Variants in PRKN observed in about 807,000 individuals in gnomAD.
PRKN encodes the protein parkin RBR E3 ubiquitin protein ligase, also known as E3 ubiquitin-protein ligase parkin.
Under a neutral mutation model 59.5 loss-of-function variants are expected in PRKN, and 56 were observed. The ratio of observed to expected loss-of-function variants is 0.94; its 90% CI spans 0.76 to 1.18. The LOEUF (loss-of-function observed/expected upper bound fraction) is 1.18. PRKN is among the 50% of genes most tolerant of loss of function. The pLI is 0.00. For missense variants in PRKN, 657 were observed against 596.4 expected (o/e 1.10, Z -1.06); for synonymous variants, 250 against 222.1 (o/e 1.13, Z -1.12).
At chr6:161,836,897 G>A (rs568178903) in intron 6 of PRKN, among the ~76,000 whole-genome samples, 177 of 152,216 alleles carry the variant, frequency 1.2e-3, no homozygotes, top group African/African-American at 4.2e-3. Context: ...AAATGAATGC[G>A]GGCAGCAGCA....
intron 4 of PRKN, among the ~76,000 whole-genome samples, chr6:162,095,148 A>G (rs1332723698): frequency 1.3e-5 from 2 of 152,206 alleles, no homozygotes; most frequent in Admixed American, 1.3e-4. Flanking sequence ...TAGAATTACT[A>G]CAAGTGAATT....
chr6:162,052,111 G>A (rs1000340697), intron 5 of PRKN, among the ~76,000 whole-genome samples: 6 of 152,076 alleles, frequency 3.9e-5, no homozygotes, highest in African/African-American at 1.4e-4. Context: ...TATCCTCCAT[G>A]TTTTTTAAGT....
chr6:162,666,012 A>G (rs1000797802), intron 1 of PRKN, among the ~76,000 whole-genome samples: 3 of 152,112 alleles, frequency 2.0e-5, no homozygotes, highest in Admixed American at 6.6e-5. Flanking sequence ...TTCCTTACAC[A>G]TCTTATACAA....
intron 9 of PRKN, among the ~76,000 whole-genome samples, chr6:161,443,940 T>C (rs890984038): frequency 2.0e-5 from 3 of 152,242 alleles, no homozygotes; most frequent in Non-Finnish European, 2.9e-5. Context: ...TGACTTTAAA[T>C]GACAAAGGTA....
intron 5 of PRKN, among the ~76,000 whole-genome samples, chr6:162,021,703 T>A (rs1783207297): frequency 6.6e-6 from 1 of 152,086 alleles, no homozygotes; most frequent in South Asian, 2.1e-4. Context: ...TTCTTCTTTT[T>A]AAATTTTAAA....
intron 4 of PRKN, among the ~76,000 whole-genome samples, chr6:162,140,476 A>C (rs1446423986): frequency 6.6e-6 from 1 of 152,062 alleles, no homozygotes. Flanking sequence ...TAAACAACAA[A>C]TGTGTGTTTG....
rs1434576160 is a variant in PRKN at position 162,219,671 on chromosome 6, T to C, written c.413-18419A>G. ...TATCTTTCCTTCTCCATTTCACAAA[T>C]GGGTATCTTCAATTAAAACACTTGT... On this transcript the variant is annotated intron_variant, in intron 3 of 11. Coordinates refer to ENST00000366898, the MANE Select transcript of PRKN (RefSeq NM_004562.3). Among the ~76,000 whole-genome samples, 6 of 152,064 alleles carry C rather than the reference T, an allele frequency of 3.9e-5. No individual in the cohort carries two copies. The East Asian group carries it at 7.7e-4, about 20-fold the overall frequency.
chr6:162,595,341 C>T (rs185207838), intron 1 of PRKN, among the ~76,000 whole-genome samples: 12 of 151,732 alleles, frequency 7.9e-5, no homozygotes, highest in Admixed American at 3.3e-4. Context: ...CTGCAACCTC[C>T]GCCTCCCGGG....
intron 1 of PRKN, among the ~76,000 whole-genome samples, chr6:162,542,084 T>C: frequency 6.6e-6 from 1 of 152,100 alleles, no homozygotes; most frequent in East Asian, 1.9e-4. Context: ...AGTTCCCAGG[T>C]TGCGGAAGGT....
At chr6:162,616,798 G>C (rs984996877) in intron 1 of PRKN, among the ~76,000 whole-genome samples, 2 of 151,972 alleles carry the variant, frequency 1.3e-5, no homozygotes, top group African/African-American at 2.4e-5. Flanking sequence ...GCTATACTTC[G>C]CAATATAATC....
At chr6:161,771,818 G>T (rs1477218080) in intron 7 of PRKN, among the ~76,000 whole-genome samples, 1 of 152,104 alleles carries the variant, frequency 6.6e-6, no homozygotes, top group Non-Finnish European at 1.5e-5. Flanking sequence ...TTGAAAACAT[G>T]AAATTCTCTC....
intron 2 of PRKN, among the ~76,000 whole-genome samples, chr6:162,284,554 C>G (rs1040924479): frequency 6.6e-6 from 1 of 152,152 alleles, no homozygotes; most frequent in Non-Finnish European, 1.5e-5. Flanking sequence ...ACATCTTGAC[C>G]TTGAACTTTG....
In PRKN at chr6:161,582,487, C is replaced by T. The variant is rs999042421; in HGVS notation, c.872-13071G>A. ...TGTCGCCTAGGCTGGAGTGCAGTGGCGCGATCTAGGCTCACTGCAAGCTCC... is the reference window on the plus strand; with the variant it reads ...TGTCGCCTAGGCTGGAGTGCAGTGGTGCGATCTAGGCTCACTGCAAGCTCC... On this transcript the variant is annotated intron_variant, in intron 7 of 11. Transcript: ENST00000366898. The surrounding 1 kb of genome is among the most constrained non-coding windows in gnomAD (Gnocchi z 4.4). Among the ~76,000 whole-genome samples, 2 of 151,568 alleles carry T rather than the reference C, an allele frequency of 1.3e-5. No individual in the cohort carries two copies. Among genetic ancestry groups the T allele is most frequent in the Non-Finnish European group, 2.9e-5 (2 of 67,950 alleles).
At chr6:161,908,140 G>A (rs979836889) in intron 6 of PRKN, among the ~76,000 whole-genome samples, 3 of 152,136 alleles carry the variant, frequency 2.0e-5, no homozygotes, top group Non-Finnish European at 4.4e-5. Flanking sequence ...TTCCAGGAAA[G>A]TGAAACTCAA....
intron 1 of PRKN, among the ~76,000 whole-genome samples, chr6:162,709,213 G>A (rs562981524): frequency 9.3e-4 from 142 of 152,028 alleles, no homozygotes; most frequent in Non-Finnish European, 1.7e-3. Context: ...ATATTACAAT[G>A]TAATAAAGGG....
At chr6:161,426,676 C>T (rs6455727) in intron 9 of PRKN, among the ~76,000 whole-genome samples, 2,149 of 142,718 alleles carry the variant, frequency 0.015, 145 homozygotes, top group African/African-American at 0.046. Flanking sequence ...CACACACACA[C>T]CTCCTATTAG....
At chr6:162,226,130 A>G (rs1490036138) in intron 3 of PRKN, among the ~76,000 whole-genome samples, 1 of 150,872 alleles carries the variant, frequency 6.6e-6, no homozygotes, top group Admixed American at 6.6e-5. Context: ...GTTAGAAAGA[A>G]CTTAAGGAGA....
chr6:162,487,338 C>G (rs1792592808), intron 1 of PRKN, among the ~76,000 whole-genome samples: 1 of 152,100 alleles, frequency 6.6e-6, no homozygotes, highest in Non-Finnish European at 1.5e-5. Flanking sequence ...GATAGAAACA[C>G]CAATTCTAGT....
intron 1 of PRKN, among the ~76,000 whole-genome samples, chr6:162,724,438 C>G (rs1268296301): frequency 6.6e-6 from 1 of 152,202 alleles, no homozygotes; most frequent in Non-Finnish European, 1.5e-5. Context: ...AAGGAAGGTA[C>G]ATGTCATTAG....
Sources: allele counts gnomAD v4.1 joint callset (sites outside exome capture counted in the v4.1 genomes callset), GRCh38; gene constraint gnomAD v4.1.1; non-coding constraint Gnocchi (gnomAD v3.1); transcripts MANE v1.5; gene names NCBI Gene and HGNC (gene_info 2026-07-23, HGNC 2026-07-21).